ARHGAP26: variants seen among roughly 807,000 people sequenced by gnomAD.
ARHGAP26 encodes Rho GTPase activating protein 26.
Under a neutral mutation model 104.8 loss-of-function variants are expected in ARHGAP26, and 38 were observed. That is an observed-to-expected ratio of 0.36 (90% CI 0.28 to 0.48). The LOEUF is 0.48. Ranked by LOEUF, ARHGAP26 falls within the 20% of genes least tolerant of loss-of-function variation. The probability of loss-of-function intolerance (pLI) is 0.99; values close to 1 mark genes in which losing one functional copy is unlikely to be tolerated. For missense variants in ARHGAP26, 704 were observed against 947.9 expected, an observed-to-expected ratio of 0.74 and a Z score of 3.38; for synonymous variants, 341 against 340.0, an observed-to-expected ratio of 1.00 and a Z score of -0.03.
At chr5:142,824,152 G>A (rs1258252168) in intron 1 of ARHGAP26, among the ~76,000 whole-genome samples, 1 of 152,152 alleles carries the variant, frequency 6.6e-6, no homozygotes, top group Non-Finnish European at 1.5e-5. Context: ...GTGTGTGTGT[G>A]TACATTTGCT....
At chr5:143,104,885 A>G (rs910033213) in intron 17 of ARHGAP26, among the ~76,000 whole-genome samples, 1 of 150,784 alleles carries the variant, frequency 6.6e-6, no homozygotes, top group Non-Finnish European at 1.5e-5. Flanking sequence ...TGTGACACGT[A>G]TACCTTAAAA....
At chr5:142,908,972 CT>C (rs1761482082) in intron 9 of ARHGAP26, 1 of 164,644 alleles carries the variant, frequency 6.1e-6, no homozygotes, top group African/African-American at 2.4e-5. Context: ...GCTTTATTTT[CT>C]TCCTTTGATA....
intron 1 of ARHGAP26, among the ~76,000 whole-genome samples, chr5:142,864,186 G>A (rs773090133): frequency 3.6e-4 from 55 of 152,062 alleles, no homozygotes; most frequent in Non-Finnish European, 6.5e-4. Context: ...AGGAAGCCCA[G>A]TACTTCAGGC....
intron 13 of ARHGAP26, 126 bp from the exon 14 acceptor site, chr5:143,041,690 A>G (rs891274333): frequency 5.7e-6 from 4 of 700,230 alleles, no homozygotes; most frequent in Non-Finnish European, 9.8e-6. Flanking sequence ...GGGGACTTTA[A>G]TTAGAGCAGC....
At chr5:142,824,481 G>T (rs537003164) in intron 1 of ARHGAP26, among the ~76,000 whole-genome samples, 8 of 152,322 alleles carry the variant, frequency 5.3e-5, no homozygotes, top group Admixed American at 5.2e-4. Context: ...AGCATCAGCA[G>T]CTGTATAAGC....
At chr5:142,886,371 C>T (rs748502443) in intron 5 of ARHGAP26, among the ~76,000 whole-genome samples, 1 of 152,186 alleles carries the variant, frequency 6.6e-6, no homozygotes, top group Non-Finnish European at 1.5e-5. Flanking sequence ...CCCCTCCCAA[C>T]CACAATTGGT....
chr5:143,005,709 T>G (rs559349576), intron 11 of ARHGAP26, among the ~76,000 whole-genome samples: 21 of 152,348 alleles, frequency 1.4e-4, no homozygotes, highest in African/African-American at 4.6e-4. Flanking sequence ...CTTGAACTAA[T>G]GGAAAAGAAA....
intron 17 of ARHGAP26, among the ~76,000 whole-genome samples, chr5:143,091,373 C>T (rs973430553): frequency 2.0e-5 from 3 of 152,104 alleles, no homozygotes; most frequent in East Asian, 1.9e-4. Flanking sequence ...CTTAGTTTTG[C>T]GGGAAAGGAA....
chr5:143,167,646 G>A (rs555698298), intron 20 of ARHGAP26, among the ~76,000 whole-genome samples: 4 of 152,116 alleles, frequency 2.6e-5, no homozygotes, highest in African/African-American at 9.7e-5. Context: ...GTAATAGTAT[G>A]GGGGCAAGCG....
intron 1 of ARHGAP26, among the ~76,000 whole-genome samples, chr5:142,870,259 G>A (rs576296765): frequency 6.6e-6 from 1 of 152,218 alleles, no homozygotes; most frequent in Admixed American, 6.5e-5. Context: ...TGCATCAGAG[G>A]GAAAGCTCTT....
At chr5:143,011,190 T>A (rs1178720880) in intron 11 of ARHGAP26, among the ~76,000 whole-genome samples, 1 of 152,120 alleles carries the variant, frequency 6.6e-6, no homozygotes, top group East Asian at 1.9e-4. Context: ...TACTTTCTGT[T>A]GGCACTAGCC....
chr5:142,789,270 A>G (rs573762280), intron 1 of ARHGAP26, among the ~76,000 whole-genome samples: 1 of 152,368 alleles, frequency 6.6e-6, no homozygotes, highest in East Asian at 1.9e-4. Flanking sequence ...TAGTATAGAC[A>G]TTTAAACAAA....
intron 5 of ARHGAP26, among the ~76,000 whole-genome samples, chr5:142,886,463 A>T (rs890941398): frequency 6.6e-6 from 1 of 152,218 alleles, no homozygotes; most frequent in Non-Finnish European, 1.5e-5. Flanking sequence ...TAGAGTAGTG[A>T]TAAGGACCAT....
chr5:143,188,051 C>A (rs1265268870), intron 20 of ARHGAP26, among the ~76,000 whole-genome samples: 4 of 152,214 alleles, frequency 2.6e-5, no homozygotes, highest in African/African-American at 7.2e-5. Context: ...CCCTACAGTT[C>A]TTTTGACCAA....
chr5:143,165,392 T>C (rs1420549262), intron 20 of ARHGAP26: 4 of 152,238 alleles, frequency 2.6e-5, no homozygotes, highest in African/African-American at 9.7e-5. Context: ...TGGACTTTCT[T>C]GTACACGGTG....
chr5:143,030,573 A>G (rs1266345046), intron 12 of ARHGAP26, among the ~76,000 whole-genome samples: 2 of 151,970 alleles, frequency 1.3e-5, no homozygotes, highest in South Asian at 2.1e-4. Context: ...CAGCCTATTC[A>G]TTTCTTTATT....
chr5:143,098,582 A>T lies in ARHGAP26; in HGVS notation c.1539-22406A>T, dbSNP rs1210714141. 1.3e-5 allele frequency among the ~76,000 whole-genome samples: 2 copies of T among 152,196 alleles called. 1 individual carries two copies. The highest frequency in any genetic ancestry group is 4.1e-4 in the South Asian group (2 of 4,830). ...AAGAGAAAGACCAATTCTTTATAATATTATCAACAGTGGGTAGACATGATA... is the reference window on the plus strand; with the variant it reads ...AAGAGAAAGACCAATTCTTTATAATTTTATCAACAGTGGGTAGACATGATA... On this transcript the variant is annotated intron_variant, in intron 17 of 22. Coordinates refer to ENST00000645722, the MANE Select transcript of ARHGAP26 (RefSeq NM_001135608.3).
chr5:142,949,208 A>AGAGAGAGAGAGAG (rs1767825756), intron 11 of ARHGAP26, among the ~76,000 whole-genome samples: 1 of 62,208 alleles, frequency 1.6e-5, no homozygotes, highest in Non-Finnish European at 2.7e-5. Flanking sequence ...AGAGAGAGAG[A>AGAGAGAGAGAGAG]GAGAGAGAGA....
intron 1 of ARHGAP26, among the ~76,000 whole-genome samples, chr5:142,777,832 C>A (rs1286191123): frequency 1.3e-5 from 2 of 152,092 alleles, no homozygotes; most frequent in Non-Finnish European, 2.9e-5. Context: ...TAGGCCAGGG[C>A]AAGGTCATAG....
Sources: gnomAD v4.1 joint callset for allele counts (sites outside exome capture counted in the v4.1 genomes callset) on GRCh38, gnomAD v4.1.1 for gene constraint, MANE v1.5 for transcripts, NCBI Gene and HGNC (gene_info 2026-07-23, HGNC 2026-07-21) for gene names.